MAML3: variants seen among roughly 807,000 people sequenced by gnomAD.
MAML3 encodes the protein mastermind-like protein 3.
A neutral mutation model predicts 101.9 loss-of-function variants in MAML3; 27 were observed. The ratio of observed to expected loss-of-function variants is 0.27; its 90% CI spans 0.20 to 0.37. The LOEUF is 0.37. MAML3 is among the 10% of genes least tolerant of loss of function. MAML3 has a pLI of 1.00. For synonymous variants in MAML3, 501 were observed against 555.9 expected (o/e 0.90, Z 1.39); for missense variants, 1,316 against 1,444.9 (o/e 0.91, Z 1.45).
intron 2 of MAML3, among the ~76,000 whole-genome samples, chr4:139,798,034 GAGAAAGAAAGAA>G (rs60781175): frequency 0.3 from 37,866 of 124,330 alleles, 6,354 homozygotes; most frequent in East Asian, 0.41. Flanking sequence ...AGGAGAGAGA[GAGAAAGAAAGAA>G]AGAAAGAAAG....
At chr4:139,933,244 C>A (rs1733437536) in intron 1 of MAML3, among the ~76,000 whole-genome samples, 2 of 152,148 alleles carry the variant, frequency 1.3e-5, no homozygotes, top group South Asian at 4.1e-4. Flanking sequence ...GGAACCTGTG[C>A]CCCTTGGAGG....
At chr4:139,836,122 T>C (rs1368151373) in intron 2 of MAML3, among the ~76,000 whole-genome samples, 2 of 152,208 alleles carry the variant, frequency 1.3e-5, no homozygotes, top group East Asian at 3.8e-4. Flanking sequence ...AGTAAGAAGA[T>C]ATTGAACCTC....
chr4:139,738,739 TA>T lies in MAML3; in HGVS notation c.2080-8073del, dbSNP rs146407775. On this transcript the variant is annotated intron_variant, in intron 2 of 4. Transcript: ENST00000509479. ...AGAGAAAAAAAAATGCAGAAAAGTA[TA>T]GATAGAAAAAAAGTATACAGAAAAA... 5.9e-3 allele frequency among the ~76,000 whole-genome samples: 890 copies of T among 150,668 alleles called. 7 individuals carry two copies. Among genetic ancestry groups the T allele is most frequent in the African/African-American group, 0.02 (838 of 41,448 alleles).
intron 1 of MAML3, among the ~76,000 whole-genome samples, chr4:139,938,998 C>G (rs1016994843): frequency 1.3e-5 from 2 of 152,230 alleles, no homozygotes; most frequent in African/African-American, 4.8e-5. Flanking sequence ...CTTCCCCGCT[C>G]TGCGCACTGT....
intron 1 of MAML3, among the ~76,000 whole-genome samples, chr4:140,046,085 A>T: frequency 6.6e-6 from 1 of 152,246 alleles, no homozygotes; most frequent in African/African-American, 2.4e-5. Flanking sequence ...TATGGTCTAA[A>T]TATTTCTAAT....
intron 2 of MAML3, among the ~76,000 whole-genome samples, chr4:139,882,832 G>A (rs1431075456): frequency 2.0e-5 from 3 of 152,172 alleles, no homozygotes; most frequent in African/African-American, 7.2e-5. Context: ...CTGGGCGATG[G>A]AGCGAGACTC....
In MAML3 at chr4:139,874,274, A is replaced by G. The variant is rs1732067190; in HGVS notation, c.2079+15083T>C. Among the ~76,000 whole-genome samples the G allele has an allele frequency of 1.3e-5, 2 of 152,164 alleles. 1 individual carries two copies. Among genetic ancestry groups the G allele is most frequent in the South Asian group, 4.1e-4 (2 of 4,832 alleles). On this transcript the variant is annotated intron_variant, in intron 2 of 4. Transcript: ENST00000509479. ...TGTTTTCCTCATTTAAAATCATTTA[A>G]CATAAACAAAAAAGATGGCATTTTA... is the stretch of plus-strand genomic sequence containing the variant.
intron 1 of MAML3, among the ~76,000 whole-genome samples, chr4:140,115,250 A>G (rs1300590766): frequency 6.6e-6 from 1 of 152,238 alleles, no homozygotes; most frequent in Non-Finnish European, 1.5e-5. Flanking sequence ...GCTCATAACA[A>G]TACATTTTAT....
intron 1 of MAML3, among the ~76,000 whole-genome samples, chr4:140,142,362 T>C (rs1728991440): frequency 6.6e-6 from 1 of 152,208 alleles, no homozygotes; most frequent in Non-Finnish European, 1.5e-5. Context: ...TCTTAACCTA[T>C]TTTCTTTCAT....
chr4:139,967,469 GACACACACACACACACACAC>G (rs4057112), intron 1 of MAML3, among the ~76,000 whole-genome samples: 8 of 141,464 alleles, frequency 5.7e-5, no homozygotes, highest in African/African-American at 1.0e-4. Flanking sequence ...CTTTTTAAGG[GACACACACACACACACACAC>G]ACACACACAC....
chr4:139,907,274 C>T (rs968259489), intron 1 of MAML3, among the ~76,000 whole-genome samples: 3 of 152,172 alleles, frequency 2.0e-5, no homozygotes, highest in Non-Finnish European at 2.9e-5. Context: ...TCTGTTTCCT[C>T]AATTATAAAA....
chr4:139,891,998 C>T (rs2111201092), intron 1 of MAML3, among the ~76,000 whole-genome samples: 1 of 152,300 alleles, frequency 6.6e-6, no homozygotes, highest in South Asian at 2.1e-4. Flanking sequence ...TTTTCTCCTT[C>T]TGCTCACTCT....
At chr4:140,065,819 C>G (rs1727527334) in intron 1 of MAML3, among the ~76,000 whole-genome samples, 1 of 152,176 alleles carries the variant, frequency 6.6e-6, no homozygotes, top group African/African-American at 2.4e-5. Context: ...CCCAGCCCAC[C>G]TCACCACCAC....
chr4:140,083,934 A>G lies in MAML3; in HGVS notation c.468+68926T>C, dbSNP rs36028665. The stretch of plus-strand genomic sequence containing the variant: ...CCTAGATTGAAACACACACGCGCGC[A>G]CACACACACACACACACACACACAC... On this transcript the variant is annotated intron_variant, in intron 1 of 4. Coordinates refer to ENST00000509479, the MANE Select transcript of MAML3 (RefSeq NM_018717.5). Among the ~76,000 whole-genome samples the G allele has an allele frequency of 6.2e-3, 698 of 113,494 alleles. 1 individual carries two copies. Among genetic ancestry groups the G allele is most frequent in the African/African-American group, 0.018 (510 of 28,514 alleles). 74.5% of individuals were successfully genotyped at this position (113,494 alleles called of 152,430 possible).
chr4:139,810,285 T>C (rs1465031752), intron 2 of MAML3, among the ~76,000 whole-genome samples: 1 of 150,528 alleles, frequency 6.6e-6, no homozygotes, highest in African/African-American at 2.5e-5. Flanking sequence ...CTCAAACTCC[T>C]GGGCTCAAGT....
rs183492953 is a variant in MAML3, at chr4:140,086,287, C to T, written c.468+66573G>A. Among the ~76,000 whole-genome samples, 77 of 152,336 alleles carry T rather than the reference C, an allele frequency of 5.1e-4. No homozygotes were observed. The East Asian group carries it at 0.012, about 23-fold the overall frequency. The stretch of plus-strand genomic sequence containing the variant: ...GGTAAGACCCTGCCCCATCAGCGTC[C>T]CCTGAAACTTCTCTTCCTTGAATCT... On this transcript the variant is annotated intron_variant, in intron 1 of 4. Coordinates refer to ENST00000509479, the MANE Select transcript of MAML3 (RefSeq NM_018717.5).
At chr4:139,818,212 C>T (rs1435905687) in intron 2 of MAML3, among the ~76,000 whole-genome samples, 1 of 152,180 alleles carries the variant, frequency 6.6e-6, no homozygotes, top group Non-Finnish European at 1.5e-5. Flanking sequence ...AGAAACCTTC[C>T]TTGACTGGCA....
At chr4:139,930,835 A>G (rs985099627) in intron 1 of MAML3, among the ~76,000 whole-genome samples, 2 of 151,856 alleles carry the variant, frequency 1.3e-5, no homozygotes, top group African/African-American at 2.4e-5. Context: ...TATGTTACCA[A>G]CTGATTTCAT....
intron 1 of MAML3, among the ~76,000 whole-genome samples, chr4:140,138,686 T>G (rs1228424643): frequency 3.3e-5 from 5 of 152,142 alleles, no homozygotes; most frequent in Non-Finnish European, 7.3e-5. Context: ...GGGGAAACGA[T>G]GGACTGAAGT....
Sources: gnomAD v4.1 joint callset for allele counts (sites outside exome capture counted in the v4.1 genomes callset) on GRCh38, gnomAD v4.1.1 for gene constraint, MANE v1.5 for transcripts, NCBI Gene and HGNC (gene_info 2026-07-23, HGNC 2026-07-21) for gene names.